MAOA: variants seen among roughly 807,000 people sequenced by gnomAD.
MAOA encodes the protein amine oxidase [flavin-containing] A.
MAOA carries 6 observed loss-of-function variants against 42.0 expected under a neutral mutation model. That is an observed-to-expected ratio of 0.14 (90% CI 0.08 to 0.28). The LOEUF is 0.28. Ranked by LOEUF, MAOA falls within the 10% of genes least tolerant of loss-of-function variation. The pLI is 1.00. For synonymous variants in MAOA, 140 were observed against 154.0 expected (o/e 0.91, Z 0.67); for missense variants, 262 against 422.3 (o/e 0.62, Z 3.33).
chrX:43,708,790 G>A (rs1210557135), intron 3 of MAOA, among the ~76,000 whole-genome samples: 1 of 108,743 alleles, frequency 9.2e-6, no homozygotes, highest in East Asian at 2.9e-4. Flanking sequence ...AGCCTCTCGA[G>A]TAGCTGAGAT....
chrX:43,666,671 A>T (rs1040901200), intron 1 of MAOA, among the ~76,000 whole-genome samples: 6 of 109,611 alleles, frequency 5.5e-5, no homozygotes, highest in African/African-American at 2.0e-4. Context: ...AAGGTGAATC[A>T]CTCCCCTACT....
rs74345756 is a variant in MAOA, at chrX:43,726,377, A to T, written c.504-1796A>T. Among the ~76,000 whole-genome samples the T allele has an allele frequency of 5.5e-4, 60 of 108,500 alleles. No homozygotes were observed. In the East Asian group the frequency reaches 0.017, roughly 31 times the overall value. The allele number at this position is 108,500 out of a possible 115,157, so 94.2% of individuals were successfully genotyped here. ...TTGGAGGCTTTGTTTGTTTCTTTTC[A>T]CTCTTTTTTCTCTAATCTTGTCTTC... On this transcript the variant is annotated intron_variant, in intron 5 of 14. Transcript: ENST00000338702.
At chrX:43,744,317 C>G in intron 14 of MAOA, 50 bp from the exon 15 acceptor site, 1 of 1,199,593 alleles carries the variant, frequency 8.3e-7, no homozygotes, top group African/African-American at 1.7e-5. Context: ...TGTTTTGTTC[C>G]TCCTTGTCAG....
intron 11 of MAOA, 57 bp from the exon 12 acceptor site, chrX:43,741,893 C>T (rs1601950695): frequency 4.2e-6 from 5 of 1,203,948 alleles, no homozygotes; most frequent in Admixed American, 4.4e-5. Flanking sequence ...ATATTATTGA[C>T]TCGCAGCATT....
chrX:43,712,785 C>T lies in MAOA; in HGVS notation c.492C>T (p.Ile164=). The change falls in exon 5 of 15, where the codon ATC becomes ATT. Residue 164 remains isoleucine (I), a synonymous_variant. Coordinates refer to ENST00000338702, the MANE Select transcript of MAOA (RefSeq NM_000240.4). ...KMTMKELIDK[I]CWTKTARRFA... ...CCATGAAAGAGCTCATTGACAAAATCTGCTGGACAAAGTAAGTAGACTTGA... is the reference window on the plus strand; with the variant it reads ...CCATGAAAGAGCTCATTGACAAAATTTGCTGGACAAAGTAAGTAGACTTGA... 1 of 1,200,251 alleles carries T rather than the reference C, an allele frequency of 8.3e-7. No individual in the cohort carries two copies. Among genetic ancestry groups the T allele is most frequent in the Non-Finnish European group, 1.1e-6 (1 of 885,085 alleles).
At position 43,676,837 on chromosome X, in the gene MAOA, T is replaced by C. The variant is rs769213982; in HGVS notation, c.74-6676T>C. 2.7e-5 allele frequency among the ~76,000 whole-genome samples: 3 copies of C among 109,477 alleles called. No individual in the cohort carries two copies. The East Asian group carries it at 8.7e-4, about 32-fold the overall frequency. ...AATGTGTACTAAGAAGAAAAATAAA[T>C]TCAGGGTAGCAGGGACAGAGTGTGA... On this transcript the variant is annotated intron_variant, in intron 1 of 14. Transcript: ENST00000338702.
Position 43,699,343 on chromosome X carries a change from T to A in MAOA, c.306+5915T>A, listed in dbSNP as rs1210254242. On this transcript the variant is annotated intron_variant, in intron 3 of 14. Coordinates refer to ENST00000338702, the MANE Select transcript of MAOA (RefSeq NM_000240.4). Reference sequence around the variant, plus strand: ...CTGTGTCTTGCAGAAAAAATGAAAATGTTGGATTCCATTTTTTTTTTTTTT... The same window carrying A: ...CTGTGTCTTGCAGAAAAAATGAAAAAGTTGGATTCCATTTTTTTTTTTTTT... 3.3e-5 allele frequency among the ~76,000 whole-genome samples: 3 copies of A among 89,615 alleles called. No individual in the cohort carries two copies. In the Admixed American group the frequency reaches 4.2e-4, roughly 13 times the overall value. The allele number at this position is 89,615 out of a possible 115,157, so 77.8% of individuals were successfully genotyped here.
At chrX:43,721,218 T>C (rs923273845) in intron 5 of MAOA, among the ~76,000 whole-genome samples, 1 of 111,276 alleles carries the variant, frequency 9.0e-6, no homozygotes. Flanking sequence ...TGTACAGTGA[T>C]GGAATCTTCT....
chrX:43,743,996 G>T, intron 13 of MAOA, 91 bp downstream of exon 13: 1 of 1,182,262 alleles, frequency 8.5e-7, no homozygotes. Flanking sequence ...GATAGAATCT[G>T]TATGTCCATT....
chrX:43,745,594 A>AG lies in MAOA; in HGVS notation c.*1081_*1082insG, dbSNP rs2033993614. 9.1e-6 allele frequency: 1 copy of AG among 109,964 alleles called. No individual in the cohort carries two copies. Among genetic ancestry groups the AG allele is most frequent in the Non-Finnish European group, 1.9e-5 (1 of 52,697 alleles). The allele number at this position is 109,964 out of a possible 1,213,427, so 9.1% of individuals were successfully genotyped here. On this transcript the variant is annotated 3_prime_UTR_variant, in exon 15 of 15. Transcript: ENST00000338702. ...TGACTGTTATTTGTTGAGACTATCA[A>AG]ACAGAAAAGAAATTAGGGCTCTAAT...
intron 9 of MAOA, among the ~76,000 whole-genome samples, chrX:43,734,343 A>T (rs1278096949): frequency 9.0e-6 from 1 of 110,913 alleles, no homozygotes; most frequent in East Asian, 2.8e-4. Flanking sequence ...TCTGTTTCTT[A>T]ACTTGGCGAT....
chrX:43,677,120 G>A (rs766155181), intron 1 of MAOA, among the ~76,000 whole-genome samples: 1 of 109,965 alleles, frequency 9.1e-6, no homozygotes, highest in Non-Finnish European at 1.9e-5. Flanking sequence ...GGGAGAGGTG[G>A]AGAAGGCAGG....
chrX:43,674,317 T>C (rs1468862581), intron 1 of MAOA, among the ~76,000 whole-genome samples: 1 of 110,306 alleles, frequency 9.1e-6, no homozygotes, highest in Non-Finnish European at 1.9e-5. Flanking sequence ...TCCTCCATCC[T>C]TTTATTTTGA....
In MAOA at chrX:43,736,291, A is replaced by G; in HGVS notation, c.1106+11A>G. On this transcript the variant is annotated intron_variant, in intron 10 of 14. Coordinates refer to ENST00000338702, the MANE Select transcript of MAOA (RefSeq NM_000240.4). ...ACATAAGGAAATAAGGTAAGAATTT[A>G]TAACTGAAAAATAGATGAAAAAGTT... The G allele has an allele frequency of 1.8e-6, 2 of 1,142,648 alleles. No homozygotes were observed. Among genetic ancestry groups the G allele is most frequent in the Non-Finnish European group, 2.4e-6 (2 of 839,940 alleles). 94.2% of individuals were successfully genotyped at this position (1,142,648 alleles called of 1,213,427 possible). A position where few individuals can be genotyped will look rare whatever the true frequency, so the allele number is the denominator to read the frequency against.
intron 1 of MAOA, among the ~76,000 whole-genome samples, chrX:43,672,638 G>A (rs1038876907): frequency 2.3e-4 from 26 of 111,891 alleles, no homozygotes; most frequent in African/African-American, 8.4e-4. Context: ...AATTTATTGA[G>A]AGTTTTTAGC....
chrX:43,699,109 T>C (rs1237189910), intron 3 of MAOA, among the ~76,000 whole-genome samples: 1 of 110,946 alleles, frequency 9.0e-6, no homozygotes, highest in African/African-American at 3.3e-5. Flanking sequence ...AGGCCCCCAT[T>C]GCTACACAAA....
At chrX:43,683,816 G>T (rs1290056429) in intron 2 of MAOA, among the ~76,000 whole-genome samples, 1 of 111,213 alleles carries the variant, frequency 9.0e-6, no homozygotes, top group African/African-American at 3.3e-5. Context: ...TTTCAGTGGA[G>T]TGAATTCAAA....
chrX:43,697,871 T>C (rs1292332676), intron 3 of MAOA, among the ~76,000 whole-genome samples: 1 of 112,168 alleles, frequency 8.9e-6, no homozygotes, highest in Non-Finnish European at 1.9e-5. Flanking sequence ...AGTTCAATAT[T>C]CCAGATAAGA....
At chrX:43,740,650 A>AT (rs397896400) in intron 10 of MAOA, 31 bp from the exon 11 acceptor site, 43,569 of 924,967 alleles carry the variant, frequency 0.047, 14 homozygotes, top group Non-Finnish European at 0.052. Context: ...CCCTAACTTT[A>AT]TTTTTTTTTT....
Sources: allele counts gnomAD v4.1 joint callset (sites outside exome capture counted in the v4.1 genomes callset), GRCh38; gene constraint gnomAD v4.1.1; transcripts MANE v1.5; gene names NCBI Gene and HGNC (gene_info 2026-07-23, HGNC 2026-07-21).